Variants in TTLL5 observed in about 807,000 individuals in gnomAD.
TTLL5 encodes tubulin polyglutamylase TTLL5.
TTLL5 carries 132 observed loss-of-function variants against 168.4 expected under a neutral mutation model. That is an observed-to-expected ratio of 0.78 (90% CI 0.68 to 0.91). The LOEUF is 0.91. Ranked by LOEUF, TTLL5 falls within the 40% of genes least tolerant of loss-of-function variation. TTLL5 has a pLI of 0.00. For synonymous variants in TTLL5, 546 were observed against 558.6 expected, an observed-to-expected ratio of 0.98 and a Z score of 0.32; for missense variants, 1,545 against 1,581.5, an observed-to-expected ratio of 0.98 and a Z score of 0.39.
At chr14:75,808,263 GAGAAGAT>G (rs1893773150) in intron 27 of TTLL5, among the ~76,000 whole-genome samples, 1 of 152,210 alleles carries the variant, frequency 6.6e-6, no homozygotes, top group Non-Finnish European at 1.5e-5. Flanking sequence ...TCAGCAGAAA[GAGAAGAT>G]ATGCCAAGAG....
intron 29 of TTLL5, among the ~76,000 whole-genome samples, chr14:75,874,900 T>A (rs945483362): frequency 2.1e-5 from 3 of 146,046 alleles, no homozygotes; most frequent in African/African-American, 7.8e-5. Context: ...CTTTTCTGTT[T>A]GTGACACAGA....
At chr14:75,685,009 C>CA (rs1244672410) in intron 5 of TTLL5, 2 of 152,164 alleles carry the variant, frequency 1.3e-5, no homozygotes, top group African/African-American at 4.8e-5. Flanking sequence ...ATTTTACTGA[C>CA]AGAGCTTTTC....
intron 27 of TTLL5, chr14:75,814,458 C>G (rs1186034157): frequency 6.6e-6 from 1 of 152,158 alleles, no homozygotes; most frequent in Non-Finnish European, 1.5e-5. Flanking sequence ...TAATCATCAT[C>G]TTTCTGTCCT....
At chr14:75,865,930 G>T (rs780975224) in intron 29 of TTLL5, among the ~76,000 whole-genome samples, 7 of 152,146 alleles carry the variant, frequency 4.6e-5, no homozygotes, top group Non-Finnish European at 7.4e-5. Context: ...CATCATAATT[G>T]TATATATGTG....
At chr14:75,679,072 G>A (rs1038680073) in intron 3 of TTLL5, among the ~76,000 whole-genome samples, 1 of 152,128 alleles carries the variant, frequency 6.6e-6, no homozygotes, top group Admixed American at 6.5e-5. Context: ...CAGAATAATG[G>A]TCCCTTAAAG....
intron 17 of TTLL5, among the ~76,000 whole-genome samples, chr14:75,749,572 A>G (rs1196183910): frequency 6.6e-6 from 1 of 152,154 alleles, no homozygotes. Context: ...TAGGAGCAGT[A>G]GAGGATATGT....
intron 3 of TTLL5, among the ~76,000 whole-genome samples, chr14:75,679,618 A>T (rs1248869828): frequency 6.6e-6 from 1 of 152,214 alleles, no homozygotes; most frequent in Non-Finnish European, 1.5e-5. Context: ...CTCTATCACT[A>T]TTCATTTTTG....
intron 31 of TTLL5, among the ~76,000 whole-genome samples, chr14:75,927,799 C>T (rs1190542731): frequency 1.3e-5 from 2 of 152,192 alleles, no homozygotes; most frequent in African/African-American, 4.8e-5. Context: ...CTTTCGTCAG[C>T]ACAGAGCAAG....
intron 15 of TTLL5, chr14:75,737,709 C>A: frequency 8.0e-7 from 1 of 1,251,464 alleles, no homozygotes; most frequent in Non-Finnish European, 1.1e-6. Context: ...TTTTATGTAC[C>A]TATTTTTTTG....
intron 18 of TTLL5, among the ~76,000 whole-genome samples, chr14:75,753,191 T>C (rs1890056066): frequency 6.6e-6 from 1 of 152,226 alleles, no homozygotes; most frequent in South Asian, 2.1e-4. Context: ...TGAGCAATTT[T>C]AACAGATGCC....
chr14:75,686,286 C>G (rs1447295104), intron 5 of TTLL5, among the ~76,000 whole-genome samples: 1 of 152,024 alleles, frequency 6.6e-6, no homozygotes, highest in Non-Finnish European at 1.5e-5. Flanking sequence ...TAATTATTAC[C>G]CTGGTTTTAA....
At chr14:75,791,949 C>T (rs1280042670) in intron 26 of TTLL5, among the ~76,000 whole-genome samples, 1 of 151,816 alleles carries the variant, frequency 6.6e-6, no homozygotes, top group Non-Finnish European at 1.5e-5. Context: ...CTTTCTGTCA[C>T]ACAGGCTGGA....
At chr14:75,773,277 GAGTC>G (rs1243612834) in intron 21 of TTLL5, among the ~76,000 whole-genome samples, 1 of 152,110 alleles carries the variant, frequency 6.6e-6, no homozygotes, top group Non-Finnish European at 1.5e-5. Flanking sequence ...GCCTTTTTGA[GAGTC>G]AGTTTGTCTG....
At chr14:75,732,466 C>A in intron 13 of TTLL5, 47 bp downstream of exon 13, 1 of 1,491,942 alleles carries the variant, frequency 6.7e-7, no homozygotes, top group Non-Finnish European at 9.2e-7. Flanking sequence ...TCAAGTAGTA[C>A]TTAAAGCACT....
At chr14:75,924,279 T>G (rs562898313) in intron 31 of TTLL5, among the ~76,000 whole-genome samples, 1 of 151,652 alleles carries the variant, frequency 6.6e-6, no homozygotes, top group African/African-American at 2.4e-5. Context: ...GTTAGCTGGT[T>G]ATTTTGCCTG....
intron 31 of TTLL5, among the ~76,000 whole-genome samples, chr14:75,918,622 A>G (rs929215084): frequency 3.3e-5 from 5 of 152,274 alleles, no homozygotes; most frequent in African/African-American, 9.6e-5. Flanking sequence ...AGCCATAGAG[A>G]AAAAAAGTAC....
intron 27 of TTLL5, among the ~76,000 whole-genome samples, chr14:75,806,278 G>A (rs973718895): frequency 1.3e-5 from 2 of 152,018 alleles, no homozygotes; most frequent in Non-Finnish European, 2.9e-5. Context: ...TGATCTGTCC[G>A]CTTCAGCCTT....
intron 6 of TTLL5, among the ~76,000 whole-genome samples, chr14:75,696,737 A>G (rs1008528368): frequency 3.3e-5 from 5 of 152,194 alleles, no homozygotes; most frequent in African/African-American, 1.2e-4. Context: ...AGAGATGATC[A>G]GTGTTACTAG....
intron 30 of TTLL5, among the ~76,000 whole-genome samples, chr14:75,884,329 C>G (rs2031980472): frequency 6.6e-6 from 1 of 152,200 alleles, no homozygotes; most frequent in African/African-American, 2.4e-5. Context: ...TCAGAAGGCC[C>G]TTGGTGGCCT....
Sources: gnomAD v4.1 joint callset for allele counts (sites outside exome capture counted in the v4.1 genomes callset) on GRCh38, gnomAD v4.1.1 for gene constraint, MANE v1.5 for transcripts, NCBI Gene and HGNC (gene_info 2026-07-23, HGNC 2026-07-21) for gene names.